Variants in STIM1 observed in about 807,000 individuals in gnomAD.
STIM1 encodes the protein stromal interaction molecule 1.
Under a neutral mutation model 74.7 loss-of-function variants are expected in STIM1, and 25 were observed. The ratio of observed to expected loss-of-function variants is 0.33; its 90% CI spans 0.24 to 0.47. The LOEUF is 0.47. STIM1 is among the 20% of genes least tolerant of loss of function. STIM1 has a pLI of 1.00. For synonymous variants in STIM1, 328 were observed against 348.8 expected, an observed-to-expected ratio of 0.94 and a Z score of 0.66; for missense variants, 728 against 920.8, an observed-to-expected ratio of 0.79 and a Z score of 2.71.
intron 1 of STIM1, among the ~76,000 whole-genome samples, chr11:3,947,062 G>A (rs1339374555): frequency 2.0e-5 from 3 of 151,018 alleles, no homozygotes; most frequent in Non-Finnish European, 4.4e-5. Flanking sequence ...ATTTACAAAG[G>A]CATATATAAA....
At chr11:3,924,174 GT>G (rs1268898093) in intron 1 of STIM1, among the ~76,000 whole-genome samples, 9 of 149,846 alleles carry the variant, frequency 6.0e-5, no homozygotes, top group Non-Finnish European at 3.0e-5. Flanking sequence ...TTGTCTTGTA[GT>G]GGTCTTATAT....
At chr11:3,997,565 A>G (rs530401949) in intron 2 of STIM1, among the ~76,000 whole-genome samples, 1 of 152,310 alleles carries the variant, frequency 6.6e-6, no homozygotes, top group South Asian at 2.1e-4. Flanking sequence ...AGCCTTTCCC[A>G]TGTTATAGTC....
chr11:4,022,661 G>A (rs903377342), intron 2 of STIM1, among the ~76,000 whole-genome samples: 1 of 152,110 alleles, frequency 6.6e-6, no homozygotes, highest in Non-Finnish European at 1.5e-5. Flanking sequence ...TAATTTGATT[G>A]CAGAGCTGGG....
chr11:3,964,795 G>C (rs1315836257), intron 1 of STIM1, among the ~76,000 whole-genome samples: 1 of 151,648 alleles, frequency 6.6e-6, no homozygotes, highest in Non-Finnish European at 1.5e-5. Flanking sequence ...CACAAACATG[G>C]ATCACTGCAG....
chr11:3,883,478 C>T (rs1231685025), intron 1 of STIM1, among the ~76,000 whole-genome samples: 3 of 152,224 alleles, frequency 2.0e-5, no homozygotes, highest in South Asian at 4.1e-4. Context: ...CTCAGCCTCC[C>T]GAGTAGCTGG....
intron 2 of STIM1, among the ~76,000 whole-genome samples, chr11:3,995,888 G>A (rs978066865): frequency 2.7e-5 from 4 of 146,594 alleles, no homozygotes; most frequent in South Asian, 4.5e-4. Flanking sequence ...TAAATTTTTT[G>A]TGAAGATGGG....
chr11:3,896,155 C>T (rs937517609), intron 1 of STIM1, among the ~76,000 whole-genome samples: 1 of 152,056 alleles, frequency 6.6e-6, no homozygotes, highest in South Asian at 2.1e-4. Flanking sequence ...CCGCCCACCT[C>T]GGCCTTCCAA....
At position 4,021,606 on chromosome 11, in the gene STIM1, C is replaced by T. The variant is rs113392625; in HGVS notation, c.271-2267C>T. Among the ~76,000 whole-genome samples the T allele has an allele frequency of 4.4e-3, 675 of 152,294 alleles. 2 individuals carry two copies. The highest frequency in any genetic ancestry group is 7.7e-3 in the Non-Finnish European group (525 of 68,012). ...ATTGTTTTGGAGAATATTTTAAAGT[C>T]AGATGGTGTGATTGCTCTAGCTTTG... On this transcript the variant is annotated intron_variant, in intron 2 of 12. Transcript: ENST00000526596.
At chr11:4,017,216 G>A (rs2093907284) in intron 2 of STIM1, among the ~76,000 whole-genome samples, 1 of 152,200 alleles carries the variant, frequency 6.6e-6, no homozygotes, top group Non-Finnish European at 1.5e-5. Flanking sequence ...AGTCCACTGG[G>A]TTCTGCCTTT....
intron 1 of STIM1, among the ~76,000 whole-genome samples, chr11:3,919,297 C>G (rs1425420801): frequency 6.6e-6 from 1 of 152,118 alleles, no homozygotes; most frequent in Non-Finnish European, 1.5e-5. Flanking sequence ...CCTCTGCCTC[C>G]CGGGTTCAAG....
intron 1 of STIM1, among the ~76,000 whole-genome samples, chr11:3,881,702 G>C (rs1350890779): frequency 7.3e-6 from 1 of 136,426 alleles, no homozygotes; most frequent in Non-Finnish European, 1.6e-5. Flanking sequence ...TTATTTTTTT[G>C]AGATGGAATC....
chr11:3,934,102 C>T (rs1470074595), intron 1 of STIM1, among the ~76,000 whole-genome samples: 2 of 152,102 alleles, frequency 1.3e-5, no homozygotes, highest in Non-Finnish European at 2.9e-5. Flanking sequence ...TTTTCTTTCA[C>T]AGAGTTGTCA....
intron 2 of STIM1, among the ~76,000 whole-genome samples, chr11:4,018,674 G>C (rs910997617): frequency 2.0e-5 from 3 of 148,550 alleles, no homozygotes; most frequent in African/African-American, 7.5e-5. Flanking sequence ...AGGCATAAAA[G>C]GGGGATCTGT....
intron 1 of STIM1, among the ~76,000 whole-genome samples, chr11:3,915,991 G>C (rs1382046249): frequency 1.3e-5 from 2 of 152,024 alleles, no homozygotes; most frequent in Non-Finnish European, 2.9e-5. Flanking sequence ...CCAGGAAGCA[G>C]AGGTTGCAGT....
intron 2 of STIM1, among the ~76,000 whole-genome samples, chr11:4,006,303 AG>A: frequency 6.6e-6 from 1 of 152,146 alleles, no homozygotes; most frequent in East Asian, 1.9e-4. Context: ...AAGTTTCCCA[AG>A]GCCTCCCCAG....
At chr11:3,990,351 T>C (rs1451405453) in intron 2 of STIM1, among the ~76,000 whole-genome samples, 3 of 152,268 alleles carry the variant, frequency 2.0e-5, no homozygotes, top group Non-Finnish European at 2.9e-5. Context: ...ACTTTTTGGC[T>C]ATAATGAAAA....
intron 1 of STIM1, among the ~76,000 whole-genome samples, chr11:3,872,418 G>A (rs992392831): frequency 6.6e-6 from 1 of 152,194 alleles, no homozygotes; most frequent in Non-Finnish European, 1.5e-5. Flanking sequence ...CAGTTGGAAG[G>A]GAGTGGGTCT....
intron 7 of STIM1, among the ~76,000 whole-genome samples, chr11:4,076,182 A>G (rs1479419226): frequency 6.6e-6 from 1 of 152,036 alleles, no homozygotes; most frequent in Non-Finnish European, 1.5e-5. Flanking sequence ...TAATTTAATC[A>G]GTTTTTTAAA....
chr11:3,863,600 T>C (rs954195037), intron 1 of STIM1, among the ~76,000 whole-genome samples: 1 of 152,162 alleles, frequency 6.6e-6, no homozygotes, highest in African/African-American at 2.4e-5. Context: ...AAATAATTCA[T>C]AAGTTTTAAA....
Sources: gnomAD v4.1 joint callset for allele counts (sites outside exome capture counted in the v4.1 genomes callset) on GRCh38, gnomAD v4.1.1 for gene constraint, MANE v1.5 for transcripts, NCBI Gene and HGNC (gene_info 2026-07-23, HGNC 2026-07-21) for gene names.